Variants in YEATS4 observed in about 807,000 individuals in gnomAD.
YEATS4 encodes the protein YEATS domain containing 4.
YEATS4 carries 17 observed loss-of-function variants against 30.1 expected under a neutral mutation model. The observed-to-expected ratio is 0.56, with a 90% CI of 0.39 to 0.85. YEATS4 has a LOEUF of 0.85. YEATS4 is among the 40% of genes least tolerant of loss of function. The probability of loss-of-function intolerance (pLI) is 0.00; values close to 1 mark genes in which losing one functional copy is unlikely to be tolerated. For missense variants in YEATS4, 142 were observed against 268.3 expected (o/e 0.53, Z 3.29); for synonymous variants, 85 against 87.5 (o/e 0.97, Z 0.16).
the YEATS4 span, among the ~76,000 whole-genome samples, chr12:69,425,010 C>T: frequency 6.6e-6 from 1 of 152,200 alleles, no homozygotes; most frequent in South Asian, 2.1e-4. Flanking sequence ...ACCTCCGCCT[C>T]CTGGGTTCAA....
downstream of YEATS4, among the ~76,000 whole-genome samples, chr12:69,393,565 T>A (rs1326273798): frequency 1.0e-4 from 12 of 119,778 alleles, no homozygotes; most frequent in African/African-American, 2.9e-4. Context: ...CAACAATTGA[T>A]AAAGAAAAGA....
chr12:69,415,850 G>C, the YEATS4 span, among the ~76,000 whole-genome samples: 1 of 152,208 alleles, frequency 6.6e-6, no homozygotes, highest in Non-Finnish European at 1.5e-5. Flanking sequence ...CGACTAGCGA[G>C]GGGATCACAG....
At chr12:69,401,598 G>A in the YEATS4 span, among the ~76,000 whole-genome samples, 5 of 152,168 alleles carry the variant, frequency 3.3e-5, no homozygotes, top group African/African-American at 9.7e-5. Context: ...TGGAGTATCC[G>A]CTGAAGTATC....
At chr12:69,366,226 T>C (rs1449965559) in intron 4 of YEATS4, among the ~76,000 whole-genome samples, 6 of 152,214 alleles carry the variant, frequency 3.9e-5, no homozygotes, top group Non-Finnish European at 5.9e-5. Context: ...TTTTATAGTT[T>C]TTGGTAGTTA....
At chr12:69,417,023 A>G in the YEATS4 span, among the ~76,000 whole-genome samples, 1 of 151,882 alleles carries the variant, frequency 6.6e-6, no homozygotes, top group Non-Finnish European at 1.5e-5. Context: ...CAGTGAGCCA[A>G]GATCACACCA....
At chr12:69,406,597 T>A in the YEATS4 span, among the ~76,000 whole-genome samples, 1 of 116,970 alleles carries the variant, frequency 8.5e-6, no homozygotes, top group African/African-American at 2.9e-5. Flanking sequence ...AGATTGAGTA[T>A]TTTTTGTACT....
At chr12:69,383,134 C>T (rs1876142627) in intron 6 of YEATS4, among the ~76,000 whole-genome samples, 1 of 152,094 alleles carries the variant, frequency 6.6e-6, no homozygotes, top group African/African-American at 2.4e-5. Context: ...TGTGGTGGCA[C>T]ATTCCTGTAG....
chr12:69,414,073 T>G, the YEATS4 span, among the ~76,000 whole-genome samples: 1 of 152,138 alleles, frequency 6.6e-6, no homozygotes, highest in Non-Finnish European at 1.5e-5. Flanking sequence ...CTCTCTAAAA[T>G]TTACATGCTA....
the YEATS4 span, among the ~76,000 whole-genome samples, chr12:69,420,897 T>C: frequency 1.3e-5 from 2 of 152,188 alleles, no homozygotes; most frequent in Non-Finnish European, 2.9e-5. Flanking sequence ...GATGGAATAA[T>C]GATGTCATTT....
chr12:69,413,720 T>C, the YEATS4 span, among the ~76,000 whole-genome samples: 2 of 151,712 alleles, frequency 1.3e-5, no homozygotes, highest in African/African-American at 4.8e-5. Flanking sequence ...GGCATGATGG[T>C]GCACGCCTAT....
chr12:69,386,213 C>T (rs1472013862), intron 6 of YEATS4, among the ~76,000 whole-genome samples: 2 of 152,218 alleles, frequency 1.3e-5, no homozygotes, highest in African/African-American at 4.8e-5. Context: ...TTCCAAACAT[C>T]TAGTGCCCTT....
At chr12:69,411,560 G>C in the YEATS4 span, among the ~76,000 whole-genome samples, 2 of 152,170 alleles carry the variant, frequency 1.3e-5, no homozygotes, top group African/African-American at 4.8e-5. Context: ...ATTAATTACA[G>C]TGTTAAGTTA....
intron 1 of YEATS4, 70 bp downstream of exon 1, chr12:69,360,093 A>G: frequency 1.3e-6 from 2 of 1,549,892 alleles, no homozygotes; most frequent in African/African-American, 1.4e-5. Flanking sequence ...CGGCGCGGGG[A>G]GGGCCCACTG....
At chr12:69,413,364 A>C in the YEATS4 span, among the ~76,000 whole-genome samples, 3 of 152,050 alleles carry the variant, frequency 2.0e-5, no homozygotes, top group Non-Finnish European at 2.9e-5. Flanking sequence ...AAAAAAAAAA[A>C]AAAAAAAAAA....
chr12:69,411,229 A>C, the YEATS4 span, among the ~76,000 whole-genome samples: 2 of 152,212 alleles, frequency 1.3e-5, no homozygotes, highest in East Asian at 3.8e-4. Context: ...TCTCTGGCTC[A>C]GGTGATCCTC....
chr12:69,426,666 C>T, the YEATS4 span, among the ~76,000 whole-genome samples: 1 of 152,198 alleles, frequency 6.6e-6, no homozygotes, highest in Non-Finnish European at 1.5e-5. Flanking sequence ...CCACCGCATC[C>T]GGCCTAAATT....
At chr12:69,393,035 A>T (rs1868327468), downstream of YEATS4, among the ~76,000 whole-genome samples, 2 of 152,252 alleles carry the variant, frequency 1.3e-5, no homozygotes, top group Admixed American at 1.3e-4. Flanking sequence ...TAAAGCATAG[A>T]TATTTGAAAT....
At chr12:69,366,717 A>G (rs1469630814) in intron 4 of YEATS4, among the ~76,000 whole-genome samples, 1 of 152,016 alleles carries the variant, frequency 6.6e-6, no homozygotes, top group Non-Finnish European at 1.5e-5. Flanking sequence ...TCTTGTTAGA[A>G]TCACATCAGT....
chr12:69,423,640 A>G, the YEATS4 span, among the ~76,000 whole-genome samples: 9 of 152,212 alleles, frequency 5.9e-5, no homozygotes, highest in Non-Finnish European at 1.5e-5. Context: ...AGAAGCATAA[A>G]TAGTCATGGA....
Sources: gnomAD v4.1 joint callset for allele counts (sites outside exome capture counted in the v4.1 genomes callset) on GRCh38, gnomAD v4.1.1 for gene constraint, MANE v1.5 for transcripts, NCBI Gene and HGNC (gene_info 2026-07-23, HGNC 2026-07-21) for gene names.